GLIS3: variants seen among roughly 807,000 people sequenced by gnomAD.
GLIS3 encodes zinc finger protein GLIS3.
GLIS3 carries 53 observed loss-of-function variants against 78.6 expected under a neutral mutation model. The ratio of observed to expected loss-of-function variants is 0.67; its 90% confidence interval spans 0.54 to 0.85. The LOEUF is 0.85. Among genes scored for constraint, GLIS3 ranks in the 40% least tolerant of loss-of-function variants. The pLI is 0.00. For missense variants in GLIS3, 1,703 were observed against 1,231.1 expected (o/e 1.38, Z -5.74); for synonymous variants, 684 against 509.9 (o/e 1.34, Z -4.60).
chr9:3,907,605 A>ACACACACAC (rs1823802742), intron 6 of GLIS3, among the ~76,000 whole-genome samples: 2 of 92,250 alleles, frequency 2.2e-5, no homozygotes, highest in Admixed American at 1.1e-4. Flanking sequence ...CCACCCCCCA[A>ACACACACAC]ACACACACAC....
chr9:4,326,053 G>A (rs953836839), intron 2 of GLIS3, among the ~76,000 whole-genome samples: 12 of 152,074 alleles, frequency 7.9e-5, no homozygotes, highest in Middle Eastern at 6.3e-3. Flanking sequence ...GGGGCCTGTC[G>A]GGGGTGGCAG....
At chr9:4,381,586 A>C in the GLIS3 span, among the ~76,000 whole-genome samples, 1 of 152,132 alleles carries the variant, frequency 6.6e-6, no homozygotes, top group African/African-American at 2.4e-5. Flanking sequence ...TTTTGGTACT[A>C]ATATCTGCAT....
intron 4 of GLIS3, among the ~76,000 whole-genome samples, chr9:4,061,695 C>G (rs1043733366): frequency 2.0e-5 from 3 of 152,202 alleles, no homozygotes; most frequent in East Asian, 3.9e-4. Context: ...AGCAAAATAT[C>G]TGAATTATCA....
chr9:4,350,206 C>T (rs748527669), upstream of GLIS3, among the ~76,000 whole-genome samples: 18 of 152,158 alleles, frequency 1.2e-4, no homozygotes, highest in Admixed American at 5.2e-4. Context: ...CCTCCACCAC[C>T]GCATGGCCAT....
At chr9:4,294,713 C>G (rs548741898) in intron 1 of GLIS3, among the ~76,000 whole-genome samples, 2 of 151,432 alleles carry the variant, frequency 1.3e-5, no homozygotes, top group East Asian at 3.9e-4. Context: ...GTTTTGGGGT[C>G]ATAGCTAATT....
At chr9:3,959,845 T>C (rs1159296642) in intron 4 of GLIS3, among the ~76,000 whole-genome samples, 5 of 152,178 alleles carry the variant, frequency 3.3e-5, no homozygotes, top group Non-Finnish European at 7.3e-5. Context: ...ATATGTGTGG[T>C]CCCTTTATAG....
intron 2 of GLIS3, among the ~76,000 whole-genome samples, chr9:4,330,435 G>A (rs1394824464): frequency 1.3e-5 from 2 of 152,238 alleles, no homozygotes; most frequent in Admixed American, 6.5e-5. Context: ...AAAACCACTG[G>A]TGTAGTGTTT....
chr9:4,239,442 G>A (rs1308113853), intron 2 of GLIS3, among the ~76,000 whole-genome samples: 4 of 151,704 alleles, frequency 2.6e-5, no homozygotes, highest in Non-Finnish European at 5.9e-5. Flanking sequence ...AACGAACCTA[G>A]ATTACAGGCT....
the GLIS3 span, among the ~76,000 whole-genome samples, chr9:4,374,774 A>C: frequency 2.0e-5 from 3 of 152,382 alleles, no homozygotes; most frequent in Non-Finnish European, 4.4e-5. Context: ...CGTCCAAGAA[A>C]GTCAATTAGC....
At chr9:3,947,498 C>T (rs1418247955) in intron 4 of GLIS3, among the ~76,000 whole-genome samples, 1 of 152,222 alleles carries the variant, frequency 6.6e-6, no homozygotes, top group African/African-American at 2.4e-5. Flanking sequence ...GCCATGGGCA[C>T]ACACTTTAAC....
chr9:4,264,186 T>A (rs1825774850), intron 2 of GLIS3, among the ~76,000 whole-genome samples: 1 of 152,216 alleles, frequency 6.6e-6, no homozygotes, highest in Admixed American at 6.5e-5. Context: ...ATTCACTACA[T>A]GTTCAAACCA....
chr9:4,022,975 T>C (rs1823009694), intron 4 of GLIS3, among the ~76,000 whole-genome samples: 1 of 152,170 alleles, frequency 6.6e-6, no homozygotes, highest in Non-Finnish European at 1.5e-5. Context: ...AAATGCTCTC[T>C]CTGTTGTCTT....
At chr9:4,431,637 G>C in the GLIS3 span, among the ~76,000 whole-genome samples, 4 of 152,260 alleles carry the variant, frequency 2.6e-5, no homozygotes, top group Admixed American at 2.0e-4. Context: ...TTGAGATCAG[G>C]AGTTCGAGAC....
intron 2 of GLIS3, among the ~76,000 whole-genome samples, chr9:4,341,525 C>G (rs1587395126): frequency 6.6e-6 from 1 of 152,224 alleles, no homozygotes; most frequent in Non-Finnish European, 1.5e-5. Flanking sequence ...TCCCACTCTC[C>G]TCCATGACTT....
At chr9:4,380,297 T>C in the GLIS3 span, among the ~76,000 whole-genome samples, 1 of 152,224 alleles carries the variant, frequency 6.6e-6, no homozygotes, top group South Asian at 2.1e-4. Context: ...AATCTTCTAT[T>C]ATATGTAATA....
intron 2 of GLIS3, among the ~76,000 whole-genome samples, chr9:4,270,796 A>C (rs1048383780): frequency 2.6e-5 from 4 of 152,194 alleles, no homozygotes; most frequent in African/African-American, 9.7e-5. Flanking sequence ...CCAGGTCTCC[A>C]GCTTGCTGAC....
chr9:4,053,355 G>A (rs1588549588), intron 4 of GLIS3, among the ~76,000 whole-genome samples: 2 of 152,108 alleles, frequency 1.3e-5, no homozygotes, highest in Non-Finnish European at 2.9e-5. Flanking sequence ...CACCTCCTGA[G>A]ACAGAACCTT....
chr9:4,108,478 T>C (rs762300594), intron 4 of GLIS3, among the ~76,000 whole-genome samples: 1 of 152,162 alleles, frequency 6.6e-6, no homozygotes, highest in Non-Finnish European at 1.5e-5. Flanking sequence ...CAGAATTTTG[T>C]TTAAGGCTGA....
At chr9:4,279,564 G>A (rs1445355148) in intron 2 of GLIS3, among the ~76,000 whole-genome samples, 1 of 151,790 alleles carries the variant, frequency 6.6e-6, no homozygotes, top group African/African-American at 2.4e-5. Context: ...ATAATGTATT[G>A]TGAAAACCTG....
Sources: gnomAD v4.1 joint callset for allele counts (sites outside exome capture counted in the v4.1 genomes callset) on GRCh38, gnomAD v4.1.1 for gene constraint, MANE v1.5 for transcripts, NCBI Gene and HGNC (gene_info 2026-07-23, HGNC 2026-07-21) for gene names.